Variants in BEND3 observed in about 807,000 individuals in gnomAD.
BEND3 encodes BEN domain containing 3, also known as BEN domain-containing protein 3.
BEND3 carries 13 observed loss-of-function variants against 60.1 expected under a neutral mutation model. That is an observed-to-expected ratio of 0.22 (90% confidence interval 0.14 to 0.34). BEND3 has a LOEUF of 0.34. Ranked by LOEUF, BEND3 falls within the 10% of genes least tolerant of loss-of-function variation. The pLI is 1.00. For synonymous variants in BEND3, 497 were observed against 491.5 expected (o/e 1.01, Z -0.15); for missense variants, 896 against 1,138.1 (o/e 0.79, Z 3.06).
chr6:107,068,958 C>G lies in BEND3; in HGVS notation c.2233G>C (p.Val745Leu), dbSNP rs782084140. Residue 745 changes from valine (V) to leucine (L), a missense_variant, in exon 4 of 4, where the codon GTC becomes CTC. Around this residue, in one of 4 missense-constraint regions of BEND3, gnomAD observed 846 missense variants for 1,036.7 expected, o/e 0.82. Transcript: ENST00000369042. This position sits in a 1 kb window ranked among gnomAD's most constrained non-coding sequence, Gnocchi z 5.8. ...SVGNFAARLL[V>L]RLFPELFTAE... ...GTGAAGAGTTCGGGAAACAGGCGGA[C>G]GAGGAGCCGGGCGGCAAAGTTGCCC... 1.9e-6 allele frequency: 3 copies of G among 1,613,810 alleles called. No individual in the cohort carries two copies. Among genetic ancestry groups the G allele is most frequent in the East Asian group, 2.2e-5 (1 of 44,854 alleles).
At chr6:107,109,945 C>T (rs1392502273) in intron 1 of BEND3, among the ~76,000 whole-genome samples, 2 of 150,788 alleles carry the variant, frequency 1.3e-5, no homozygotes, top group Non-Finnish European at 2.9e-5. Context: ...GTGGGAGGAT[C>T]GTTTGAGCCC....
chr6:107,074,621 A>G (rs1554232537), intron 3 of BEND3, among the ~76,000 whole-genome samples: 1 of 152,128 alleles, frequency 6.6e-6, no homozygotes, highest in African/African-American at 2.4e-5. Context: ...TTTGTCCTAA[A>G]GGCTGGGAAT....
At chr6:107,073,415 TG>T (rs1371008370) in intron 3 of BEND3, among the ~76,000 whole-genome samples, 1 of 150,624 alleles carries the variant, frequency 6.6e-6, no homozygotes, top group Non-Finnish European at 1.5e-5. Context: ...CCACTCCCTC[TG>T]GGGTCTCCTT....
chr6:107,076,543 G>A (rs1292859571), intron 3 of BEND3, among the ~76,000 whole-genome samples: 1 of 152,150 alleles, frequency 6.6e-6, no homozygotes, highest in Non-Finnish European at 1.5e-5. Flanking sequence ...AGGTGTCCAT[G>A]CCCAGTGACA....
chr6:107,110,565 CTTTT>C, intron 1 of BEND3, among the ~76,000 whole-genome samples: 1 of 151,668 alleles, frequency 6.6e-6, no homozygotes, highest in Admixed American at 6.6e-5. Flanking sequence ...GTGTGACTTT[CTTTT>C]TCTTTTTGAG....
rs1232591192 is a variant in BEND3, at chr6:107,066,247, T to A, written c.*2457A>T. On this transcript the variant is annotated 3_prime_UTR_variant, in exon 4 of 4. Coordinates refer to ENST00000369042, the MANE Select transcript of BEND3 (RefSeq NM_001367314.1). ...TACTTCTATTGCTTCATGTAAAAAA[T>A]TTAAAATAAAAAAATGCCCACTGGA... The A allele has an allele frequency of 6.6e-6, 1 of 152,058 alleles. No individual in the cohort carries two copies. Among genetic ancestry groups the A allele is most frequent in the Non-Finnish European group, 1.5e-5 (1 of 68,010 alleles). 9.4% of individuals were successfully genotyped at this position (152,058 alleles called of 1,614,324 possible). A position where few individuals can be genotyped will look rare whatever the true frequency, so the allele number is the denominator to read the frequency against.
intron 1 of BEND3, among the ~76,000 whole-genome samples, chr6:107,111,976 C>T (rs1211884344): frequency 7.9e-6 from 1 of 126,292 alleles, no homozygotes; most frequent in Admixed American, 8.6e-5. Flanking sequence ...AGTGAGACTC[C>T]GTTTCAAAAA....
intron 1 of BEND3, among the ~76,000 whole-genome samples, chr6:107,106,694 T>G (rs782422279): frequency 2.0e-4 from 30 of 152,142 alleles, no homozygotes; most frequent in Non-Finnish European, 4.4e-4. Context: ...ACTGTAGCCT[T>G]GAACTCCTGG....
intron 3 of BEND3, among the ~76,000 whole-genome samples, chr6:107,075,873 G>T (rs1013987496): frequency 1.4e-4 from 22 of 152,306 alleles, no homozygotes; most frequent in African/African-American, 5.3e-4. Context: ...TCCTACAGCA[G>T]GTGGGAGGCA....
chr6:107,083,046 G>A (rs1051125068), intron 3 of BEND3, among the ~76,000 whole-genome samples: 5 of 152,202 alleles, frequency 3.3e-5, no homozygotes, highest in South Asian at 2.1e-4. Flanking sequence ...ATGTTTTCCC[G>A]GCATTACTTG....
intron 1 of BEND3, among the ~76,000 whole-genome samples, chr6:107,114,627 G>A (rs1333827136): frequency 3.3e-5 from 5 of 149,854 alleles, no homozygotes; most frequent in Middle Eastern, 3.3e-3. Context: ...AAGCCCCGCC[G>A]AGCGCGAGCG....
At chr6:107,105,854 C>T (rs1042289594) in intron 1 of BEND3, among the ~76,000 whole-genome samples, 10 of 152,212 alleles carry the variant, frequency 6.6e-5, no homozygotes, top group South Asian at 2.1e-4. Flanking sequence ...CCCCTTACCC[C>T]TAAGAGCTGT....
rs1268008346 is a variant in BEND3 at position 107,115,446 on chromosome 6, C to A, written c.-368G>T. On this transcript the variant is annotated 5_prime_UTR_variant, in exon 1 of 4. Coordinates refer to ENST00000369042, the MANE Select transcript of BEND3 (RefSeq NM_001367314.1). ...GGCGGCGGCGGCGCTCGGGCGTGAACGGCCGCGGCGGGGAGCTCGGGCGCG... is the reference window on the plus strand; with the variant it reads ...GGCGGCGGCGGCGCTCGGGCGTGAAAGGCCGCGGCGGGGAGCTCGGGCGCG... Among the ~76,000 whole-genome samples the A allele has an allele frequency of 6.1e-5, 9 of 147,798 alleles. No individual in the cohort carries two copies. Among genetic ancestry groups the A allele is most frequent in the African/African-American group, 2.2e-4 (9 of 40,944 alleles).
At chr6:107,091,196 G>A (rs1219690203) in intron 3 of BEND3, among the ~76,000 whole-genome samples, 1 of 151,276 alleles carries the variant, frequency 6.6e-6, no homozygotes, top group African/African-American at 2.4e-5. Flanking sequence ...AAAATATATA[G>A]TATTGAAGGC....
chr6:107,086,570 G>A (rs565923671), intron 3 of BEND3, among the ~76,000 whole-genome samples: 15 of 151,882 alleles, frequency 9.9e-5, no homozygotes, highest in Admixed American at 3.9e-4. Context: ...AGCCGAAATC[G>A]CGTCACTGCA....
rs1427531724 is a variant in BEND3 at position 107,115,478 on chromosome 6, C to G, written c.-400G>C. Among the ~76,000 whole-genome samples the G allele has an allele frequency of 3.9e-4, 57 of 147,076 alleles. No homozygotes were observed. Among genetic ancestry groups the G allele is most frequent in the Non-Finnish European group, 3.0e-5 (2 of 66,130 alleles). On this transcript the variant is annotated 5_prime_UTR_variant, in exon 1 of 4. Transcript: ENST00000369042. ...GGCGGGGAGCTCGGGCGCGCACTCC[C>G]GGGACCCAGGCGGCCCGGCGCGCTC...
At chr6:107,097,115 C>T (rs980268994) in intron 3 of BEND3, among the ~76,000 whole-genome samples, 18 of 152,120 alleles carry the variant, frequency 1.2e-4, no homozygotes, top group African/African-American at 3.6e-4. Flanking sequence ...ACCTGTAATC[C>T]GAACACTTTG....
intron 3 of BEND3, among the ~76,000 whole-genome samples, chr6:107,094,281 G>A (rs1317885907): frequency 6.6e-6 from 1 of 151,858 alleles, no homozygotes; most frequent in Non-Finnish European, 1.5e-5. Context: ...TGGCAAATAA[G>A]CATATAAAAA....
intron 1 of BEND3, among the ~76,000 whole-genome samples, chr6:107,103,303 G>A (rs1562315376): frequency 6.6e-6 from 1 of 152,216 alleles, no homozygotes; most frequent in East Asian, 1.9e-4. Context: ...CCAGATGAGG[G>A]TCACAAGCTC....
Sources: gnomAD v4.1 joint callset for allele counts (sites outside exome capture counted in the v4.1 genomes callset) on GRCh38, gnomAD v4.1.1 for gene constraint, gnomAD v4.1.1 regional missense constraint, Gnocchi (gnomAD v3.1) non-coding constraint, MANE v1.5 for transcripts, NCBI Gene and HGNC (gene_info 2026-07-23, HGNC 2026-07-21) for gene names.